IL17RA: variants seen among roughly 807,000 people sequenced by gnomAD.
The protein encoded by IL17RA is interleukin-17 receptor A.
Under a neutral mutation model 50.4 loss-of-function variants are expected in IL17RA, and 34 were observed. The ratio of observed to expected loss-of-function variants is 0.67; its 90% CI spans 0.51 to 0.90. The LOEUF is 0.90. Among genes scored for constraint, IL17RA ranks in the 40% least tolerant of loss-of-function variants. The pLI, the probability that IL17RA is intolerant of heterozygous loss-of-function variation, is 0.00. For synonymous variants in IL17RA, 585 were observed against 510.4 expected, an observed-to-expected ratio of 1.15 and a Z score of -1.97; for missense variants, 1,276 against 1,169.8, an observed-to-expected ratio of 1.09 and a Z score of -1.32.
In IL17RA at chr22:17,100,349, C is replaced by T; in HGVS notation, c.424-6C>T. ...CATCCACCTTCCCTTCCTCCCTTCT[C>T]TTCAGTGGCGTTTTACCTTCAGCCA... On this transcript the variant is annotated splice_polypyrimidine_tract_variant and splice_region_variant and intron_variant, in intron 4 of 12. Coordinates refer to ENST00000319363, the MANE Select transcript of IL17RA (RefSeq NM_014339.7). 1.2e-6 allele frequency: 2 copies of T among 1,614,124 alleles called. No individual in the cohort carries two copies. Among genetic ancestry groups the T allele is most frequent in the Non-Finnish European group, 1.7e-6 (2 of 1,179,996 alleles).
Position 17,098,757 on chromosome 22 carries a change from C to A in IL17RA, c.311-18C>A, listed in dbSNP as rs371831623. On this transcript the variant is annotated intron_variant, in intron 3 of 12. Coordinates refer to ENST00000319363, the MANE Select transcript of IL17RA (RefSeq NM_014339.7). The stretch of plus-strand genomic sequence containing the variant: ...GCTGATCTGCATCTGTTTGTCTTCT[C>A]TTCTCCCTCTCCTGCAGCCAGCATC... 112 of 1,604,452 alleles carry A rather than the reference C, an allele frequency of 7.0e-5. No homozygotes were observed. Among genetic ancestry groups the A allele is most frequent in the Non-Finnish European group, 8.7e-5 (102 of 1,171,356 alleles).
rs1188416715 is a variant in IL17RA at position 17,094,691 on chromosome 22, C to CTATATATATATATATA, written c.139-2359_139-2344dup. Among the ~76,000 whole-genome samples the CTATATATATATATATA allele has an allele frequency of 1.5e-3, 38 of 24,690 alleles. 1 individual carries two copies. The highest frequency in any genetic ancestry group is 3.8e-3 in the African/African-American group (17 of 4,418). The allele number at this position is 24,690 out of a possible 152,430, so 16.2% of individuals were successfully genotyped here. ...TCTCTCTCTCTCTCTCTCTCTCTCTCTATATATATATATATATATATATAT... is the reference window on the plus strand; with the variant it reads ...TCTCTCTCTCTCTCTCTCTCTCTCTCTATATATATATATATATATATATATATATATATATATATAT... On this transcript the variant is annotated intron_variant, in intron 1 of 12. Transcript: ENST00000319363.
chr22:17,101,632 G>C (rs1480976842), intron 5 of IL17RA, among the ~76,000 whole-genome samples: 1 of 152,210 alleles, frequency 6.6e-6, no homozygotes, highest in African/African-American at 2.4e-5. Flanking sequence ...CTCAGTCCCT[G>C]TCCCTCCATG....
At chr22:17,104,005 G>A (rs1601345898) in intron 8 of IL17RA, among the ~76,000 whole-genome samples, 2 of 10,730 alleles carry the variant, frequency 1.9e-4, no homozygotes, top group African/African-American at 9.0e-4. Context: ...GGTGTGGCTG[G>A]GAGTGGGGAG....
Position 17,102,220 on chromosome 22 carries a change from C to T in IL17RA, c.680C>T (p.Ser227Phe). 1 of 1,614,206 alleles carries T rather than the reference C, an allele frequency of 6.2e-7. No individual in the cohort carries two copies. The highest frequency in any genetic ancestry group is 8.5e-7 in the Non-Finnish European group (1 of 1,180,042). ...GTGAGCTTCACCCTGTGGAACGAATCTACCCATTACCAGATCCTGCTGACC... is the reference window on the plus strand; with the variant it reads ...GTGAGCTTCACCCTGTGGAACGAATTTACCCATTACCAGATCCTGCTGACC... ...LRVSFTLWNE[S>F]THYQILLTSF... Residue 227 changes from serine (S) to phenylalanine (F), a missense_variant, in exon 7 of 13, where the codon TCT (serine) becomes TTT (phenylalanine). Physicochemically the swap from Ser to Phe is radical, Grantham distance 155. Coordinates refer to ENST00000319363, the MANE Select transcript of IL17RA (RefSeq NM_014339.7).
In IL17RA at chr22:17,109,913, T is replaced by A; in HGVS notation, c.*93T>A. On this transcript the variant is annotated 3_prime_UTR_variant, in exon 13 of 13. Coordinates refer to ENST00000319363, the MANE Select transcript of IL17RA (RefSeq NM_014339.7). ...GTGTGTACATGTCTGCATGTGTATA[T>A]GTTCGTGTGTGAAATGTAGGCTTTA... 1 of 1,153,558 alleles carries A rather than the reference T, an allele frequency of 8.7e-7. No homozygotes were observed. 71.5% of individuals were successfully genotyped at this position (1,153,558 alleles called of 1,614,324 possible).
At chr22:17,097,691 C>T in intron 2 of IL17RA, 106 bp from the exon 3 acceptor site, 1 of 1,408,040 alleles carries the variant, frequency 7.1e-7, no homozygotes, top group East Asian at 2.3e-5. Context: ...GGCTGGAAGG[C>T]CGCGGGCCCC....
rs2061435525 is a variant in IL17RA, at chr22:17,110,248, A to G, written c.*428A>G. On this transcript the variant is annotated 3_prime_UTR_variant, in exon 13 of 13. Transcript: ENST00000319363. ...CACGGTGGCTCACGCCTGTAATCCC[A>G]GCACACTGGGAGGCCGAGGCAGGTG... is the stretch of plus-strand genomic sequence containing the variant. 7.4e-6 allele frequency: 2 copies of G among 271,284 alleles called. No individual in the cohort carries two copies. Among genetic ancestry groups the G allele is most frequent in the Admixed American group, 5.2e-5 (1 of 19,354 alleles). The allele number at this position is 271,284 out of a possible 1,614,324, so 16.8% of individuals were successfully genotyped here.
chr22:17,095,445 TGTG>T (rs1307496734), intron 1 of IL17RA, among the ~76,000 whole-genome samples: 1 of 152,194 alleles, frequency 6.6e-6, no homozygotes, highest in Non-Finnish European at 1.5e-5. Context: ...CCACTTTCCT[TGTG>T]GTCTTCATGA....
rs2061434734 is a variant in IL17RA, at chr22:17,110,118, C to T, written c.*298C>T. 4.6e-6 allele frequency: 2 copies of T among 438,046 alleles called. No individual in the cohort carries two copies. The highest frequency in any genetic ancestry group is 8.4e-6 in the Non-Finnish European group (2 of 238,570). The allele number at this position is 438,046 out of a possible 1,614,324, so 27.1% of individuals were successfully genotyped here. On this transcript the variant is annotated 3_prime_UTR_variant, in exon 13 of 13. Transcript: ENST00000319363. ...CATTTATTGTGCACCTACTATGTGG[C>T]GGGCATTTGGGATACCAAGATAAAT... is the stretch of plus-strand genomic sequence containing the variant.
chr22:17,107,271 A>G (rs771823890), intron 11 of IL17RA, among the ~76,000 whole-genome samples: 6 of 152,144 alleles, frequency 3.9e-5, no homozygotes, highest in Non-Finnish European at 7.4e-5. Flanking sequence ...CCTCATGTGG[A>G]GTCAGTTTGG....
At position 17,115,239 on chromosome 22, in the gene IL17RA, G is replaced by T. The variant is rs1446418409; in HGVS notation, c.*5419G>T. 1 of 152,224 alleles carries T rather than the reference G, an allele frequency of 6.6e-6. No homozygotes were observed. The highest frequency in any genetic ancestry group is 1.5e-5 in the Non-Finnish European group (1 of 68,054). 9.4% of individuals were successfully genotyped at this position (152,224 alleles called of 1,614,324 possible). The stretch of plus-strand genomic sequence containing the variant: ...CCGCTCCAGGGAGAAATGAAGACAT[G>T]GTCCTACGTTGTTCTGTAATTATTT... On this transcript the variant is annotated 3_prime_UTR_variant, in exon 13 of 13. Transcript: ENST00000319363.
intron 1 of IL17RA, among the ~76,000 whole-genome samples, chr22:17,085,475 CA>C (rs979166875): frequency 6.6e-6 from 1 of 152,016 alleles, no homozygotes; most frequent in African/African-American, 2.4e-5. Flanking sequence ...GCGTGTTGCA[CA>C]ACCTGGCCCG....
intron 1 of IL17RA, among the ~76,000 whole-genome samples, chr22:17,093,215 G>A (rs1450156228): frequency 6.6e-6 from 1 of 152,186 alleles, no homozygotes; most frequent in Admixed American, 6.5e-5. Context: ...GCTCTGTGTA[G>A]TTAAGGTTTA....
intron 5 of IL17RA, among the ~76,000 whole-genome samples, chr22:17,101,464 T>C (rs1400990270): frequency 6.6e-6 from 1 of 152,186 alleles, no homozygotes; most frequent in Non-Finnish European, 1.5e-5. Context: ...ATTGGTCTCT[T>C]CTACTGGGTT....
intron 11 of IL17RA, among the ~76,000 whole-genome samples, chr22:17,106,209 T>A (rs1231045491): frequency 6.6e-6 from 1 of 152,208 alleles, no homozygotes; most frequent in East Asian, 1.9e-4. Context: ...AAATCAATAG[T>A]TTGGAAGGAG....
chr22:17,103,686 G>T, intron 8 of IL17RA, 109 bp downstream of exon 8: 2 of 876,788 alleles, frequency 2.3e-6, no homozygotes, highest in Non-Finnish European at 3.7e-6. Flanking sequence ...ACGGGAGTGG[G>T]GAGTGTGCAC....
At chr22:17,100,885 A>C (rs2061388673) in intron 5 of IL17RA, among the ~76,000 whole-genome samples, 1 of 151,922 alleles carries the variant, frequency 6.6e-6, no homozygotes, top group African/African-American at 2.4e-5. Flanking sequence ...TCCACCTTAC[A>C]TTCTGCCTGC....
In IL17RA at chr22:17,100,521, T is replaced by C. The variant is rs1207023686; in HGVS notation, c.550+40T>C. ...CCAAGACATTCCCTCCCCAATGGCC[T>C]CTGTGAGAAGGAAGCACCAGGTGGC... On this transcript the variant is annotated intron_variant, in intron 5 of 12. Transcript: ENST00000319363. 19 of 1,611,122 alleles carry C rather than the reference T, an allele frequency of 1.2e-5. No homozygotes were observed. The Admixed American group carries it at 3.2e-4, about 27-fold the overall frequency.
Sources: allele counts gnomAD v4.1 joint callset (sites outside exome capture counted in the v4.1 genomes callset), GRCh38; gene constraint gnomAD v4.1.1; transcripts MANE v1.5; gene names NCBI Gene and HGNC (gene_info 2026-07-23, HGNC 2026-07-21).